ZNF433: variants seen among roughly 807,000 people sequenced by gnomAD.
The protein encoded by ZNF433 is zinc finger protein 433.
In ZNF433, 12 loss-of-function variants were observed where a neutral mutation model predicts 10.6. That is an observed-to-expected ratio of 1.13 (90% CI 0.72 to 1.83). The LOEUF is 1.83. Ranked by LOEUF, ZNF433 falls within the 40% of genes most tolerant of loss-of-function variation. ZNF433 has a pLI of 0.00. For missense variants in ZNF433, 737 were observed against 798.0 expected (o/e 0.92, Z 0.92); for synonymous variants, 272 against 271.3 (o/e 1.00, Z -0.02).
At chr19:12,034,985 C>CT (rs1470123201) in intron 1 of ZNF433, 1 of 418,872 alleles carries the variant, frequency 2.4e-6, no homozygotes, top group Non-Finnish European at 4.8e-6. Flanking sequence ...GAATAAACTT[C>CT]TTTAAGTTAT....
Position 12,025,466 on chromosome 19 carries a change from C to T in ZNF433, c.4-7174G>A, listed in dbSNP as rs1484921109. 1.4e-4 allele frequency: 22 copies of T among 152,242 alleles called. 1 individual carries two copies. The highest frequency in any genetic ancestry group is 1.4e-3 in the Admixed American group (22 of 15,288). The allele number at this position is 152,242 out of a possible 1,614,324, so 9.4% of individuals were successfully genotyped here. A position where few individuals can be genotyped will look rare whatever the true frequency, so the allele number is the denominator to read the frequency against. The stretch of plus-strand genomic sequence containing the variant: ...CAATATCTAATGCCAGACACTTTCA[C>T]AATTTAACCCATGTTAATGCCTCTG... On this transcript the variant is annotated intron_variant, in intron 1 of 3. Transcript: ENST00000550507.
chr19:12,034,145 C>T (rs554756424), intron 1 of ZNF433, among the ~76,000 whole-genome samples: 9 of 152,238 alleles, frequency 5.9e-5, no homozygotes, highest in African/African-American at 1.2e-4. Flanking sequence ...ACTTATGTGA[C>T]GGTATGTGGC....
Position 12,016,160 on chromosome 19 carries a change from C to T in ZNF433, c.698G>A (p.Ser233Asn), listed in dbSNP as rs759172385. 22 of 1,613,964 alleles carry T rather than the reference C, an allele frequency of 1.4e-5. No individual in the cohort carries two copies. The African/African-American group carries it at 2.0e-4, about 15-fold the overall frequency. The change falls in exon 4 of 4, where the codon AGT becomes AAT. Residue 233 changes from serine (S) to asparagine (N), a missense_variant. Transcript: ENST00000550507. The stretch of plus-strand genomic sequence containing the variant: ...ATGTATTCGAAGGCTACTAGAATGA[C>T]TAAAGGCTTTACCACACTGTTTACA... ...YQCKQCGKAFSHSSSLRIHER... is the reference protein window; with the variant it reads ...YQCKQCGKAFNHSSSLRIHER...
intron 1 of ZNF433, among the ~76,000 whole-genome samples, chr19:12,032,957 G>A (rs1415668283): frequency 6.6e-6 from 1 of 152,220 alleles, no homozygotes; most frequent in Non-Finnish European, 1.5e-5. Context: ...AGAACACAGT[G>A]ATGTTTGACT....
chr19:12,035,618 C>T lies in ZNF433; in HGVS notation c.-79G>A. ...AGAAGCTATGGCAGAGGCACCTGAA[C>T]CCTCTCGGAGGGGAAAGCCAGGCTC... is the stretch of plus-strand genomic sequence containing the variant. On this transcript the variant is annotated 5_prime_UTR_variant, in exon 1 of 4. Transcript: ENST00000550507. 1 of 1,535,666 alleles carries T rather than the reference C, an allele frequency of 6.5e-7. No individual in the cohort carries two copies. The highest frequency in any genetic ancestry group is 8.8e-7 in the Non-Finnish European group (1 of 1,137,322).
At chr19:12,019,355 G>T (rs1288837642) in intron 1 of ZNF433, among the ~76,000 whole-genome samples, 1 of 152,020 alleles carries the variant, frequency 6.6e-6, no homozygotes, top group African/African-American at 2.4e-5. Context: ...AGAAGTTGGA[G>T]GTTGCAGTGA....
intron 1 of ZNF433, among the ~76,000 whole-genome samples, chr19:12,034,311 C>G (rs184033305): frequency 1.3e-5 from 2 of 152,270 alleles, no homozygotes; most frequent in East Asian, 3.9e-4. Flanking sequence ...TGTTGGAACT[C>G]TAAATTATCT....
intron 1 of ZNF433, chr19:12,030,286 T>C (rs1974954517): frequency 1.2e-5 from 4 of 347,170 alleles, no homozygotes; most frequent in South Asian, 8.7e-5. Flanking sequence ...AGTGGCATGA[T>C]CTCAGCTTAC....
At position 12,018,195 on chromosome 19, in the gene ZNF433, T is replaced by C. The variant is rs1024170658; in HGVS notation, c.101A>G (p.Gln34Arg). The change falls in exon 2 of 4, where the codon CAA becomes CGA. Residue 34 changes from glutamine (Q) to arginine (R), a missense_variant. Physicochemically the swap from Gln to Arg is conservative, Grantham distance 43. Coordinates refer to ENST00000550507, the MANE Select transcript of ZNF433 (RefSeq NM_001308348.2). The part of the protein sequence containing the change: ...SQKNLCRDVM[Q>R]ETFRNLASIG... ...AGAGGCCAGGTTCCTGAAGGTTTCT[T>C]GCATCACATCTCTACAGAGATTTTT... 2.5e-6 allele frequency: 4 copies of C among 1,606,522 alleles called. No individual in the cohort carries two copies. The highest frequency in any genetic ancestry group is 3.4e-6 in the Non-Finnish European group (4 of 1,177,664).
At chr19:12,016,774 C>T (rs1974226845) in intron 3 of ZNF433, 108 bp from the exon 4 acceptor site, 1 of 1,399,828 alleles carries the variant, frequency 7.1e-7, no homozygotes, top group South Asian at 1.5e-5. Flanking sequence ...GATGGAGTCT[C>T]ACTCTCTTGC....
intron 3 of ZNF433, among the ~76,000 whole-genome samples, chr19:12,017,630 G>C (rs1450648815): frequency 6.6e-6 from 1 of 152,064 alleles, no homozygotes; most frequent in Non-Finnish European, 1.5e-5. Context: ...TCATGACTTA[G>C]TATGGCCCCA....
chr19:12,031,877 C>G (rs1016495766), intron 1 of ZNF433, among the ~76,000 whole-genome samples: 10 of 142,494 alleles, frequency 7.0e-5, no homozygotes, highest in African/African-American at 2.7e-4. Flanking sequence ...CAGCAAGACC[C>G]TTTAAAAAAA....
Position 12,024,090 on chromosome 19 carries a change from G to A in ZNF433, c.4-5798C>T, listed in dbSNP as rs555446612. 5.9e-5 allele frequency: 9 copies of A among 152,194 alleles called. No individual in the cohort carries two copies. The South Asian group carries it at 1.9e-3, about 32-fold the overall frequency. The allele number at this position is 152,194 out of a possible 1,614,324, so 9.4% of individuals were successfully genotyped here. A position where few individuals can be genotyped will look rare whatever the true frequency, so the allele number is the denominator to read the frequency against. ...GTAAAGAAAAACTGGAGGCTTTAGG[G>A]GACTTAGTTACTGAACAATTAGAAA... is the stretch of plus-strand genomic sequence containing the variant. On this transcript the variant is annotated intron_variant, in intron 1 of 3. Coordinates refer to ENST00000550507, the MANE Select transcript of ZNF433 (RefSeq NM_001308348.2).
Position 12,016,642 on chromosome 19 carries a change from T to C in ZNF433, c.216A>G (p.Glu72=), listed in dbSNP as rs1380663048. The change falls in exon 4 of 4, where the codon GAA becomes GAG. Residue 72 remains glutamate, a synonymous_variant. Coordinates refer to ENST00000550507, the MANE Select transcript of ZNF433 (RefSeq NM_001308348.2). The stretch of plus-strand genomic sequence containing the variant: ...CTCCATGCTGATGACCTTCTTTACT[T>C]TCAAAGAGTCTCTCTCCCACAATTC... ...NLRIVGERLF[E]SKEGHQHGEI... 1 of 1,614,034 alleles carries C rather than the reference T, an allele frequency of 6.2e-7. No homozygotes were observed.
rs149382167 is a variant in ZNF433 at position 12,018,153 on chromosome 19, T to A, written c.130+13A>T. The stretch of plus-strand genomic sequence containing the variant: ...GTCTCATTTACTGAAGGAAGTAATG[T>A]TGTCACCCTTACCTATAGAGGCCAG... On this transcript the variant is annotated intron_variant, in intron 2 of 3. Transcript: ENST00000550507. The A allele has an allele frequency of 1.0e-5, 16 of 1,558,964 alleles. No homozygotes were observed. The East Asian group carries it at 3.6e-4, about 35-fold the overall frequency.
intron 1 of ZNF433, chr19:12,021,950 G>A (rs1486128012): frequency 1.3e-5 from 6 of 456,814 alleles, no homozygotes; most frequent in Non-Finnish European, 2.6e-5. Context: ...GATGATGCAG[G>A]ATGCCTGGCG....
At chr19:12,022,155 G>A in intron 1 of ZNF433, 2 of 406,384 alleles carry the variant, frequency 4.9e-6, no homozygotes, top group South Asian at 3.4e-5. Flanking sequence ...GGAACACCTG[G>A]CCCACCCAGG....
intron 3 of ZNF433, among the ~76,000 whole-genome samples, chr19:12,017,604 G>T (rs780778407): frequency 6.6e-6 from 1 of 152,064 alleles, no homozygotes; most frequent in Non-Finnish European, 1.5e-5. Context: ...GCCCAGGCTG[G>T]AGTGCAGTGA....
chr19:12,018,876 G>T (rs1032606873), intron 1 of ZNF433, among the ~76,000 whole-genome samples: 4 of 151,426 alleles, frequency 2.6e-5, no homozygotes, highest in African/African-American at 9.7e-5. Flanking sequence ...GCAACAGAGT[G>T]AGACTCGGTC....
Sources: allele counts gnomAD v4.1 joint callset (sites outside exome capture counted in the v4.1 genomes callset), GRCh38; gene constraint gnomAD v4.1.1; transcripts MANE v1.5; gene names NCBI Gene and HGNC (gene_info 2026-07-23, HGNC 2026-07-21).